KIAA0825: variants seen among roughly 807,000 people sequenced by gnomAD.
KIAA0825 encodes the protein uncharacterized protein KIAA0825.
Under a neutral mutation model 147.6 loss-of-function variants are expected in KIAA0825, and 119 were observed. The ratio of observed to expected loss-of-function variants is 0.81; its 90% confidence interval spans 0.69 to 0.94. The LOEUF (loss-of-function observed/expected upper bound fraction) is 0.94, where lower values mean the gene tolerates loss of function less well. Among genes scored for constraint, KIAA0825 ranks in the 40% least tolerant of loss-of-function variants. The pLI is 0.00. For synonymous variants in KIAA0825, 470 were observed against 518.1 expected (o/e 0.91, Z 1.26); for missense variants, 1,381 against 1,472.7 (o/e 0.94, Z 1.02).
intron 20 of KIAA0825, among the ~76,000 whole-genome samples, chr5:94,262,875 A>G (rs1379865592): frequency 6.6e-6 from 1 of 152,012 alleles, no homozygotes; most frequent in African/African-American, 2.4e-5. Context: ...TTCCCAGAAA[A>G]TTTATTTCCT....
chr5:94,557,407 CTT>C (rs77735800), intron 2 of KIAA0825, among the ~76,000 whole-genome samples: 23 of 138,824 alleles, frequency 1.7e-4, no homozygotes, highest in Non-Finnish European at 1.6e-4. Context: ...AGGCTCCTTT[CTT>C]TTTTTTTTTT....
chr5:94,599,868 T>C (rs1786040618), intron 1 of KIAA0825, among the ~76,000 whole-genome samples: 1 of 152,258 alleles, frequency 6.6e-6, no homozygotes, highest in Non-Finnish European at 1.5e-5. Flanking sequence ...AGGAATGTAA[T>C]CTGATTTAGG....
At chr5:94,378,714 T>C (rs537017709) in intron 20 of KIAA0825, among the ~76,000 whole-genome samples, 1 of 152,248 alleles carries the variant, frequency 6.6e-6, no homozygotes, top group Non-Finnish European at 1.5e-5. Flanking sequence ...CTAATTTACA[T>C]GCCCACCAGC....
At chr5:94,412,326 A>G (rs1752869154) in intron 15 of KIAA0825, among the ~76,000 whole-genome samples, 1 of 152,212 alleles carries the variant, frequency 6.6e-6, no homozygotes, top group Admixed American at 6.5e-5. Context: ...AAGAATATGG[A>G]GCAAACAAAA....
chr5:94,167,815 A>G (rs116450368), intron 20 of KIAA0825, among the ~76,000 whole-genome samples: 4,842 of 152,078 alleles, frequency 0.032, 112 homozygotes, highest in Non-Finnish European at 0.045. Flanking sequence ...AATACTATAA[A>G]TGGTAGTCAC....
chr5:94,490,371 TG>T (rs1763589278), intron 5 of KIAA0825, among the ~76,000 whole-genome samples: 2 of 152,180 alleles, frequency 1.3e-5, no homozygotes, highest in African/African-American at 2.4e-5. Context: ...TAATTACAGA[TG>T]TTTTTAAGTT....
At chr5:94,307,116 A>C (rs992621743) in intron 20 of KIAA0825, among the ~76,000 whole-genome samples, 1 of 151,712 alleles carries the variant, frequency 6.6e-6, no homozygotes, top group African/African-American at 2.4e-5. Flanking sequence ...AAACTTCTAG[A>C]TGCTCTACAT....
chr5:94,456,819 C>T (rs532759420), intron 12 of KIAA0825, among the ~76,000 whole-genome samples: 1 of 152,092 alleles, frequency 6.6e-6, no homozygotes. Flanking sequence ...AAGTCTATGG[C>T]CATTTCAAAA....
At chr5:94,197,104 A>G (rs1444044585) in intron 20 of KIAA0825, among the ~76,000 whole-genome samples, 3 of 152,150 alleles carry the variant, frequency 2.0e-5, no homozygotes, top group Non-Finnish European at 4.4e-5. Context: ...GAGCATTCCC[A>G]TTTTGCCACA....
At chr5:94,555,879 T>C (rs1249721926) in intron 2 of KIAA0825, among the ~76,000 whole-genome samples, 1 of 152,168 alleles carries the variant, frequency 6.6e-6, no homozygotes, top group African/African-American at 2.4e-5. Context: ...CTAAATAATG[T>C]CACAGATCAT....
chr5:94,242,264 T>C (rs1775384033), intron 20 of KIAA0825, among the ~76,000 whole-genome samples: 1 of 152,208 alleles, frequency 6.6e-6, no homozygotes, highest in Non-Finnish European at 1.5e-5. Flanking sequence ...AAAATCCCAA[T>C]TAGTTACTAA....
chr5:94,504,788 C>A (rs1041082621), intron 5 of KIAA0825, among the ~76,000 whole-genome samples: 49 of 146,526 alleles, frequency 3.3e-4, no homozygotes, highest in Non-Finnish European at 4.8e-4. Context: ...TGTTTTGTCA[C>A]CCAGGCTAGA....
chr5:94,303,427 C>T (rs1778529534), intron 20 of KIAA0825, among the ~76,000 whole-genome samples: 1 of 151,938 alleles, frequency 6.6e-6, no homozygotes, highest in African/African-American at 2.4e-5. Flanking sequence ...CAAACCACCA[C>T]CCTTTTAAAA....
chr5:94,593,536 G>A (rs76096527), intron 1 of KIAA0825: 6,331 of 601,788 alleles, frequency 0.011, 74 homozygotes, highest in Middle Eastern at 0.039. Flanking sequence ...AAAGTTTTTT[G>A]TAGCATTGGG....
At chr5:94,498,661 T>C (rs1177701411) in intron 5 of KIAA0825, among the ~76,000 whole-genome samples, 1 of 152,230 alleles carries the variant, frequency 6.6e-6, no homozygotes, top group African/African-American at 2.4e-5. Context: ...AGATGTCACT[T>C]CTAAGTTCAG....
intron 12 of KIAA0825, among the ~76,000 whole-genome samples, chr5:94,461,186 T>C (rs908894884): frequency 2.0e-5 from 3 of 152,088 alleles, no homozygotes; most frequent in African/African-American, 7.2e-5. Flanking sequence ...AATTTATTTG[T>C]TTTACAAATG....
At chr5:94,512,982 A>T (rs1766719299) in intron 5 of KIAA0825, among the ~76,000 whole-genome samples, 1 of 152,178 alleles carries the variant, frequency 6.6e-6, no homozygotes, top group Non-Finnish European at 1.5e-5. Context: ...AAGTTTAGAG[A>T]GTGACTTAGC....
chr5:94,527,104 T>C (rs1046448995), intron 3 of KIAA0825, among the ~76,000 whole-genome samples: 1 of 152,060 alleles, frequency 6.6e-6, no homozygotes, highest in Admixed American at 6.6e-5. Flanking sequence ...CTATATTTAT[T>C]TGAAGAATAA....
intron 4 of KIAA0825, 53 bp from the exon 5 acceptor site, chr5:94,520,970 T>C: frequency 3.0e-6 from 4 of 1,342,186 alleles, no homozygotes; most frequent in Non-Finnish European, 4.0e-6. Flanking sequence ...AAAAAATGAT[T>C]TCTATAGTCA....
Sources: allele counts gnomAD v4.1 joint callset (sites outside exome capture counted in the v4.1 genomes callset), GRCh38; gene constraint gnomAD v4.1.1; transcripts MANE v1.5; gene names NCBI Gene and HGNC (gene_info 2026-07-23, HGNC 2026-07-21).